Variants in PLEKHA5 observed in about 807,000 individuals in gnomAD.
The protein encoded by PLEKHA5 is pleckstrin homology domain-containing family A member 5.
In PLEKHA5, 55 loss-of-function variants were observed where a neutral mutation model predicts 181.9. The observed-to-expected ratio is 0.30, with a 90% CI of 0.24 to 0.38. PLEKHA5 has a LOEUF of 0.38. Ranked by LOEUF, PLEKHA5 falls within the 10% of genes least tolerant of loss-of-function variation. The probability of loss-of-function intolerance (pLI) is 1.00; values close to 1 mark genes in which losing one functional copy is unlikely to be tolerated. For synonymous variants in PLEKHA5, 535 were observed against 529.4 expected (o/e 1.01, Z -0.15); for missense variants, 1,432 against 1,549.5 (o/e 0.92, Z 1.27).
At chr12:19,255,297 T>A (rs185833131) in intron 5 of PLEKHA5, 132 bp downstream of exon 5, 6,239 of 518,438 alleles carry the variant, frequency 0.012, 63 homozygotes, top group Non-Finnish European at 0.016. Context: ...GTAATTGATA[T>A]AAGAAGCAAC....
At chr12:19,137,192 C>T (rs186506394) in intron 3 of PLEKHA5, among the ~76,000 whole-genome samples, 2 of 152,062 alleles carry the variant, frequency 1.3e-5, no homozygotes, top group African/African-American at 2.4e-5. Context: ...ACCACCACCA[C>T]GCCTGGCTAA....
intron 31 of PLEKHA5, 136 bp downstream of exon 31, chr12:19,369,934 C>A: frequency 2.2e-6 from 1 of 456,210 alleles, no homozygotes. Flanking sequence ...GTAGGCATAT[C>A]TTGGAACCAG....
At position 19,347,121 on chromosome 12, in the gene PLEKHA5, A is replaced by G. The variant is rs2094371791; in HGVS notation, c.2837A>G (p.His946Arg). The G allele has an allele frequency of 6.4e-7, 1 of 1,550,400 alleles. No individual in the cohort carries two copies. The highest frequency in any genetic ancestry group is 1.4e-5 in the African/African-American group (1 of 73,142). The change falls in exon 24 of 32, where the codon CAT becomes CGT. Residue 946 changes from histidine to arginine, a missense_variant. By Grantham distance (29) the His-to-Arg change is conservative. This residue lies in a region of PLEKHA5 where 1,143 missense variants were observed against 1,168.4 expected (regional missense o/e 0.98). Transcript: ENST00000429027. ...CTCTGTTATAGCAGGGGCCCAGTTC[A>G]TCTGCCTGAAGAAAAGAAGATGTAT... ...SLLCYSRGPV[H>R]LPEEKKMYQV...
At chr12:19,368,182 T>C (rs1377151514) in intron 30 of PLEKHA5, among the ~76,000 whole-genome samples, 1 of 152,198 alleles carries the variant, frequency 6.6e-6, no homozygotes, top group African/African-American at 2.4e-5. Flanking sequence ...CCTTTTCCTT[T>C]GCCTCTGTCA....
At chr12:19,274,474 T>C (rs768846323) in intron 10 of PLEKHA5, 42 bp from the exon 11 acceptor site, 3 of 1,324,800 alleles carry the variant, frequency 2.3e-6, no homozygotes, top group Admixed American at 2.0e-5. Flanking sequence ...AATATGTACA[T>C]TATTTCATCT....
intron 3 of PLEKHA5, among the ~76,000 whole-genome samples, chr12:19,192,608 C>G (rs1184065282): frequency 6.6e-6 from 1 of 152,142 alleles, no homozygotes; most frequent in East Asian, 1.9e-4. Flanking sequence ...GTGGCTGAGG[C>G]AGGAGAATTG....
intron 20 of PLEKHA5, among the ~76,000 whole-genome samples, chr12:19,325,549 G>T (rs1480340478): frequency 1.3e-5 from 2 of 151,836 alleles, no homozygotes; most frequent in African/African-American, 4.8e-5. Flanking sequence ...TTAGCCAGGT[G>T]TGGGGGCAGA....
chr12:19,249,168 GT>G (rs922540130), intron 3 of PLEKHA5, among the ~76,000 whole-genome samples: 9 of 152,030 alleles, frequency 5.9e-5, no homozygotes, highest in African/African-American at 2.2e-4. Flanking sequence ...CCCCATCTCT[GT>G]TTTTTAAAAA....
chr12:19,345,925 T>C (rs755627721), intron 23 of PLEKHA5, 37 bp downstream of exon 23: 17 of 988,234 alleles, frequency 1.7e-5, no homozygotes, highest in Admixed American at 7.8e-5. Flanking sequence ...TAAATTACTT[T>C]TAATGCTTAA....
chr12:19,257,253 G>C (rs551028244), intron 5 of PLEKHA5, among the ~76,000 whole-genome samples, 180 bp from the exon 6 acceptor site: 2 of 152,160 alleles, frequency 1.3e-5, no homozygotes, highest in African/African-American at 2.4e-5. Flanking sequence ...TTTTGGTGCG[G>C]AATTCTTACA....
chr12:19,242,888 G>T (rs1321067504), intron 3 of PLEKHA5, among the ~76,000 whole-genome samples: 1 of 152,148 alleles, frequency 6.6e-6, no homozygotes, highest in Non-Finnish European at 1.5e-5. Flanking sequence ...GTAGAAATGT[G>T]AGGTAACATT....
intron 5 of PLEKHA5, 94 bp downstream of exon 5, chr12:19,255,259 A>G: frequency 1.4e-6 from 1 of 690,510 alleles, no homozygotes; most frequent in East Asian, 3.4e-5. Flanking sequence ...AATAATAATT[A>G]CATTTTTATT....
intron 20 of PLEKHA5, among the ~76,000 whole-genome samples, chr12:19,333,608 C>T (rs1294017368): frequency 7.8e-5 from 5 of 64,034 alleles, no homozygotes; most frequent in African/African-American, 1.9e-4. Context: ...TTCATTCATT[C>T]TCTTTTTTTT....
At chr12:19,180,064 A>G (rs549661801) in intron 3 of PLEKHA5, among the ~76,000 whole-genome samples, 20 of 152,274 alleles carry the variant, frequency 1.3e-4, no homozygotes, top group African/African-American at 4.3e-4. Context: ...GCTGCTCTCA[A>G]AACACACACA....
intron 11 of PLEKHA5, among the ~76,000 whole-genome samples, chr12:19,282,117 G>A (rs1042065332): frequency 1.2e-4 from 18 of 152,034 alleles, no homozygotes; most frequent in African/African-American, 3.9e-4. Flanking sequence ...AACTGAAATT[G>A]TATTCTTTCA....
At chr12:19,359,141 G>A (rs548406085) in intron 27 of PLEKHA5, among the ~76,000 whole-genome samples, 1 of 152,272 alleles carries the variant, frequency 6.6e-6, no homozygotes, top group African/African-American at 2.4e-5. Flanking sequence ...CGAATCAAGT[G>A]CAGGCATTGC....
intron 3 of PLEKHA5, among the ~76,000 whole-genome samples, chr12:19,170,096 A>G (rs2045541863): frequency 6.6e-6 from 1 of 152,216 alleles, no homozygotes; most frequent in South Asian, 2.1e-4. Flanking sequence ...ATTTTTAGGA[A>G]GCAGCCTACA....
chr12:19,297,546 C>T (rs1489687122), intron 15 of PLEKHA5, among the ~76,000 whole-genome samples: 3 of 147,920 alleles, frequency 2.0e-5, no homozygotes, highest in East Asian at 2.0e-4. Context: ...GGCGTGAACC[C>T]GGGAAGCGGA....
chr12:19,285,951 C>T (rs995356253), intron 12 of PLEKHA5, among the ~76,000 whole-genome samples: 1 of 152,178 alleles, frequency 6.6e-6, no homozygotes, highest in Non-Finnish European at 1.5e-5. Flanking sequence ...GAACAAAAGA[C>T]AACTGTCAAT....
Sources: allele counts gnomAD v4.1 joint callset (sites outside exome capture counted in the v4.1 genomes callset), GRCh38; gene constraint gnomAD v4.1.1; regional missense constraint gnomAD v4.1.1; transcripts MANE v1.5; gene names NCBI Gene and HGNC (gene_info 2026-07-23, HGNC 2026-07-21).